KCNJ15: variants seen among roughly 807,000 people sequenced by gnomAD.
KCNJ15 encodes the protein potassium inwardly rectifying channel subfamily J member 15, also known as ATP-sensitive inward rectifier potassium channel 15.
KCNJ15 carries 14 observed loss-of-function variants against 23.0 expected under a neutral mutation model. The observed-to-expected ratio is 0.61, with a 90% CI of 0.40 to 0.95. The LOEUF (loss-of-function observed/expected upper bound fraction) is 0.95, where lower values mean the gene tolerates loss of function less well. Ranked by LOEUF, KCNJ15 falls within the 40% of genes least tolerant of loss-of-function variation. The pLI, the probability that KCNJ15 is intolerant of heterozygous loss-of-function variation, is 0.00. For missense variants in KCNJ15, 388 were observed against 461.8 expected (o/e 0.84, Z 1.46); for synonymous variants, 185 against 183.2 (o/e 1.01, Z -0.08).
intron 1 of KCNJ15, among the ~76,000 whole-genome samples, chr21:38,259,171 C>CT (rs1314044614): frequency 1.3e-5 from 2 of 152,158 alleles, no homozygotes; most frequent in African/African-American, 2.4e-5. Context: ...TTGGAATATC[C>CT]TTTCCTGTGC....
intron 1 of KCNJ15, among the ~76,000 whole-genome samples, chr21:38,266,548 T>G (rs1313148280): frequency 6.6e-6 from 1 of 152,150 alleles, no homozygotes; most frequent in Non-Finnish European, 1.5e-5. Flanking sequence ...TGATGGGCAT[T>G]AGGGTTGATT....
At chr21:38,251,155 T>C (rs1326772913) in intron 1 of KCNJ15, among the ~76,000 whole-genome samples, 1 of 152,244 alleles carries the variant, frequency 6.6e-6, no homozygotes. Flanking sequence ...AAGGTAACTG[T>C]ACTTAGCAGA....
At chr21:38,242,413 G>A (rs991528349) in intron 1 of KCNJ15, among the ~76,000 whole-genome samples, 11 of 152,054 alleles carry the variant, frequency 7.2e-5, no homozygotes, top group East Asian at 1.9e-4. Flanking sequence ...TGGAAACTCC[G>A]ACCCCATGGT....
At position 38,301,049 on chromosome 21, in the gene KCNJ15, T is replaced by A. The variant is rs1184665751; in HGVS notation, c.*660T>A. 1 of 166,928 alleles carries A rather than the reference T, an allele frequency of 6.0e-6. No individual in the cohort carries two copies. Among genetic ancestry groups the A allele is most frequent in the African/African-American group, 2.4e-5 (1 of 41,474 alleles). 10.3% of individuals were successfully genotyped at this position (166,928 alleles called of 1,614,324 possible). On this transcript the variant is annotated 3_prime_UTR_variant, in exon 3 of 3. Coordinates refer to ENST00000398938, the MANE Select transcript of KCNJ15 (RefSeq NM_170736.3). ...GGGGCTGATGCCATTGTTTCCTCTA[T>A]TTTATTTTATTTATTTTTGAATCCA...
chr21:38,290,261 G>T (rs1199509812), intron 1 of KCNJ15, among the ~76,000 whole-genome samples: 2 of 152,156 alleles, frequency 1.3e-5, no homozygotes, highest in Non-Finnish European at 2.9e-5. Flanking sequence ...GTACAGAAGG[G>T]TTGATGTTCT....
At chr21:38,247,390 A>G (rs1032902625) in intron 1 of KCNJ15, among the ~76,000 whole-genome samples, 6 of 152,056 alleles carry the variant, frequency 3.9e-5, no homozygotes, top group Non-Finnish European at 5.9e-5. Context: ...GAATGGATGT[A>G]TGGATAAACG....
rs1983904423 is a variant in KCNJ15 at position 38,286,336 on chromosome 21, T to TTATG, written c.-116-10582_-116-10579dup. On this transcript the variant is annotated intron_variant, in intron 1 of 2. Transcript: ENST00000398938. ...ACAGTAAGGCTATGAAGACCAAGCA[T>TTATG]TATGTATGTATCTGAGCTGTTTTCT... Among the ~76,000 whole-genome samples, 7 of 152,286 alleles carry TTATG rather than the reference T, an allele frequency of 4.6e-5. No individual in the cohort carries two copies. The South Asian group carries it at 1.5e-3, about 32-fold the overall frequency.
intron 1 of KCNJ15, among the ~76,000 whole-genome samples, chr21:38,236,153 C>T (rs575565312): frequency 4.3e-4 from 66 of 152,306 alleles, no homozygotes; most frequent in African/African-American, 1.4e-3. Flanking sequence ...GTCTTACCTG[C>T]CAGGTCAGGA....
At chr21:38,253,001 A>G (rs1426001057), upstream of KCNJ15, among the ~76,000 whole-genome samples, 1 of 152,156 alleles carries the variant, frequency 6.6e-6, no homozygotes, top group African/African-American at 2.4e-5. Flanking sequence ...GGGAAATTGC[A>G]TGCTCCCATC....
chr21:38,283,342 T>A (rs891903242), intron 1 of KCNJ15, among the ~76,000 whole-genome samples: 3 of 152,220 alleles, frequency 2.0e-5, no homozygotes, highest in African/African-American at 7.2e-5. Context: ...CCTAATTTTG[T>A]TTTCCTTTAG....
upstream of KCNJ15, among the ~76,000 whole-genome samples, chr21:38,254,073 G>A (rs936161068): frequency 6.6e-6 from 1 of 152,174 alleles, no homozygotes; most frequent in Non-Finnish European, 1.5e-5. Context: ...TTACTCATTG[G>A]ATGAGAGAGA....
intron 1 of KCNJ15, among the ~76,000 whole-genome samples, chr21:38,258,821 C>T (rs148034139): frequency 3.6e-4 from 55 of 152,326 alleles, no homozygotes; most frequent in Admixed American, 3.6e-3. Context: ...TCTCCTCACA[C>T]TTCTCACCAG....
intron 1 of KCNJ15, among the ~76,000 whole-genome samples, chr21:38,260,112 C>T (rs1025268074): frequency 1.3e-5 from 2 of 152,116 alleles, no homozygotes; most frequent in Non-Finnish European, 2.9e-5. Flanking sequence ...GACTTAGTTT[C>T]TCTCCCTCTA....
intron 1 of KCNJ15, among the ~76,000 whole-genome samples, chr21:38,251,540 C>A (rs749306697): frequency 6.6e-6 from 1 of 152,218 alleles, no homozygotes; most frequent in African/African-American, 2.4e-5. Context: ...ATGCACCCAA[C>A]TTTTAAGTAT....
At chr21:38,250,001 T>A (rs1979716118) in intron 1 of KCNJ15, among the ~76,000 whole-genome samples, 1 of 152,208 alleles carries the variant, frequency 6.6e-6, no homozygotes, top group Non-Finnish European at 1.5e-5. Context: ...CACAACACCC[T>A]CTTTCTATAC....
In KCNJ15 at chr21:38,257,011, A is replaced by G. The variant is rs1015065231; in HGVS notation, c.-291A>G. 7.0e-6 allele frequency: 1 copy of G among 141,988 alleles called. No individual in the cohort carries two copies. The highest frequency in any genetic ancestry group is 1.5e-5 in the Non-Finnish European group (1 of 67,042). The allele number at this position is 141,988 out of a possible 1,614,324, so 8.8% of individuals were successfully genotyped here. A position where few individuals can be genotyped will look rare whatever the true frequency, so the allele number is the denominator to read the frequency against. ...TCTTCAGTTCCTCCAGGTAATTCTT[A>G]CTCAAACTTGTACCAACTTGTTTTT... On this transcript the variant is annotated 5_prime_UTR_variant, in exon 1 of 3. Transcript: ENST00000398938.
At chr21:38,233,076 G>T (rs1160266736) in intron 1 of KCNJ15, among the ~76,000 whole-genome samples, 1 of 151,910 alleles carries the variant, frequency 6.6e-6, no homozygotes, top group Non-Finnish European at 1.5e-5. Flanking sequence ...TTGTTGAATT[G>T]TCTGTTTCTT....
In KCNJ15 at chr21:38,299,348, C is replaced by T; in HGVS notation, c.87C>T (p.Val29=). 6.2e-7 allele frequency: 1 copy of T among 1,614,160 alleles called. No homozygotes were observed. Among genetic ancestry groups the T allele is most frequent in the Non-Finnish European group, 8.5e-7 (1 of 1,179,994 alleles). The part of the protein sequence containing the change: ...GAGLKANRPR[V]MSKSGHSNVR... ...GGCTCAAGGCCAACAGACCCCGCGT[C>T]ATGTCCAAGAGTGGGCACAGCAACG... Residue 29 remains valine, a synonymous_variant, in exon 3 of 3, where the codon GTC becomes GTT. Transcript: ENST00000398938. This position sits in a 1 kb window ranked among gnomAD's most constrained non-coding sequence, Gnocchi z 4.5.
At chr21:38,243,904 A>G (rs762524937) in intron 1 of KCNJ15, among the ~76,000 whole-genome samples, 9 of 152,240 alleles carry the variant, frequency 5.9e-5, no homozygotes, top group Non-Finnish European at 1.3e-4. Flanking sequence ...TTATTGTCAT[A>G]AAATAACCAT....
Sources: gnomAD v4.1 joint callset for allele counts (sites outside exome capture counted in the v4.1 genomes callset) on GRCh38, gnomAD v4.1.1 for gene constraint, Gnocchi (gnomAD v3.1) non-coding constraint, MANE v1.5 for transcripts, NCBI Gene and HGNC (gene_info 2026-07-23, HGNC 2026-07-21) for gene names.